The following MTUS2 variants were observed in gnomAD, a reference collection of about 807,000 sequenced individuals.
The protein encoded by MTUS2 is microtubule-associated tumor suppressor candidate 2.
Under a neutral mutation model 114.1 loss-of-function variants are expected in MTUS2, and 40 were observed. The observed-to-expected ratio is 0.35, with a 90% CI of 0.27 to 0.46. The LOEUF (loss-of-function observed/expected upper bound fraction) is 0.46. Ranked by LOEUF, MTUS2 falls within the 20% of genes least tolerant of loss-of-function variation. MTUS2 has a pLI of 1.00. For synonymous variants in MTUS2, 688 were observed against 672.0 expected, an observed-to-expected ratio of 1.02 and a Z score of -0.37; for missense variants, 1,679 against 1,705.4, an observed-to-expected ratio of 0.98 and a Z score of 0.27.
At chr13:28,950,332 G>C (rs894968662) in intron 2 of MTUS2, among the ~76,000 whole-genome samples, 1 of 152,146 alleles carries the variant, frequency 6.6e-6, no homozygotes, top group Non-Finnish European at 1.5e-5. Flanking sequence ...AAGCTCTGAA[G>C]GGCATTCGGG....
intron 2 of MTUS2, among the ~76,000 whole-genome samples, chr13:28,988,449 T>A (rs1402353831): frequency 6.6e-6 from 1 of 152,220 alleles, no homozygotes. Flanking sequence ...TTAGTGATAA[T>A]CTTCTAGGAA....
chr13:29,453,289 A>T (rs187638206), intron 9 of MTUS2, among the ~76,000 whole-genome samples: 1 of 152,316 alleles, frequency 6.6e-6, no homozygotes, highest in East Asian at 1.9e-4. Flanking sequence ...AACATAATCG[A>T]CTCAGTTGAG....
At chr13:29,374,514 T>C (rs1486551715) in intron 8 of MTUS2, among the ~76,000 whole-genome samples, 3 of 152,222 alleles carry the variant, frequency 2.0e-5, no homozygotes, top group African/African-American at 7.2e-5. Context: ...TCATAAATTA[T>C]GAAGGCCTGA....
At chr13:29,017,167 G>A (rs778385422) in intron 2 of MTUS2, among the ~76,000 whole-genome samples, 81 of 152,282 alleles carry the variant, frequency 5.3e-4, no homozygotes, top group Admixed American at 1.5e-3. Context: ...CACCAAACAC[G>A]TACCCAGTAG....
intron 4 of MTUS2, among the ~76,000 whole-genome samples, chr13:29,051,260 G>A (rs1169418469): frequency 6.6e-6 from 1 of 152,122 alleles, no homozygotes; most frequent in East Asian, 1.9e-4. Flanking sequence ...CGGGTGATGG[G>A]GAAACAGAGG....
At position 29,031,699 on chromosome 13, in the gene MTUS2, A is replaced by C. The variant is rs140391087; in HGVS notation, c.2206-2186A>C. Among the ~76,000 whole-genome samples, 192 of 152,100 alleles carry C rather than the reference A, an allele frequency of 1.3e-3. 2 individuals carry two copies. The highest frequency in any genetic ancestry group is 0.011 in the Admixed American group (168 of 15,264). ...CTGCTGATTTAAATGTTAATCTAAT[A>C]TAAGAAATACTTTCATGGCAGCATC... On this transcript the variant is annotated intron_variant, in intron 3 of 15. Transcript: ENST00000612955.
At chr13:28,832,526 T>G (rs1268694917) in intron 1 of MTUS2, among the ~76,000 whole-genome samples, 1 of 151,484 alleles carries the variant, frequency 6.6e-6, no homozygotes, top group Non-Finnish European at 1.5e-5. Flanking sequence ...TTTTTAGCTG[T>G]TAATGACTGT....
chr13:28,932,651 G>A (rs1279288727), intron 2 of MTUS2, among the ~76,000 whole-genome samples: 1 of 152,152 alleles, frequency 6.6e-6, no homozygotes, highest in Admixed American at 6.5e-5. Flanking sequence ...AGCCCTGCAG[G>A]TGAGTGCAGC....
At chr13:29,173,787 A>G (rs1414978321) in intron 5 of MTUS2, among the ~76,000 whole-genome samples, 1 of 152,274 alleles carries the variant, frequency 6.6e-6, no homozygotes, top group Admixed American at 6.5e-5. Context: ...ATAAACCTGC[A>G]TTAAAAAAAC....
At chr13:28,856,689 G>A (rs1044549167) in intron 2 of MTUS2, among the ~76,000 whole-genome samples, 1 of 152,186 alleles carries the variant, frequency 6.6e-6, no homozygotes, top group African/African-American at 2.4e-5. Context: ...ATATCAAGTT[G>A]TGCATTTACG....
At chr13:29,034,269 G>T (rs1886964082) in intron 4 of MTUS2, 144 bp downstream of exon 4, 1 of 1,111,826 alleles carries the variant, frequency 9.0e-7, no homozygotes, top group Admixed American at 2.5e-5. Context: ...TGTAGATGCA[G>T]ACATTTGTGA....
At position 28,951,334 on chromosome 13, in the gene MTUS2, C is replaced by T. The variant is rs148440367; in HGVS notation, c.-242-73123C>T. On this transcript the variant is annotated intron_variant, in intron 2 of 15. Transcript: ENST00000612955. ...TATTAAGTTTTCCAATCCATGAACA[C>T]GGAATGTCTTTTCATTTATTTGTCT... Among the ~76,000 whole-genome samples the T allele has an allele frequency of 2.9e-3, 448 of 152,262 alleles. 1 individual carries two copies. The highest frequency in any genetic ancestry group is 0.01 in the African/African-American group (424 of 41,548).
intron 5 of MTUS2, among the ~76,000 whole-genome samples, chr13:29,219,728 C>T (rs73449311): frequency 2.0e-5 from 3 of 152,162 alleles, no homozygotes; most frequent in Non-Finnish European, 2.9e-5. Context: ...AACTTTCTGC[C>T]GCTTTTCCAT....
intron 9 of MTUS2, among the ~76,000 whole-genome samples, chr13:29,467,179 C>T (rs567454110): frequency 3.9e-5 from 6 of 152,212 alleles, no homozygotes; most frequent in African/African-American, 1.4e-4. Context: ...TAGAACCCCA[C>T]AGGGCAATTC....
intron 4 of MTUS2, among the ~76,000 whole-genome samples, chr13:29,065,029 G>A (rs1888601915): frequency 6.6e-6 from 1 of 152,172 alleles, no homozygotes; most frequent in Non-Finnish European, 1.5e-5. Context: ...GTCTTCCACT[G>A]ATGGGCATTT....
At chr13:28,872,185 C>T (rs774642484) in intron 2 of MTUS2, among the ~76,000 whole-genome samples, 2 of 152,026 alleles carry the variant, frequency 1.3e-5, no homozygotes, top group African/African-American at 2.4e-5. Context: ...TGGTATGGAC[C>T]TTGGTGCTGG....
chr13:29,382,344 A>G (rs1414036834), intron 8 of MTUS2, among the ~76,000 whole-genome samples: 2 of 152,210 alleles, frequency 1.3e-5, no homozygotes, highest in African/African-American at 4.8e-5. Flanking sequence ...AGAGCAGACC[A>G]TGCAGTAGTC....
At chr13:28,990,310 T>C (rs147154347) in intron 2 of MTUS2, among the ~76,000 whole-genome samples, 1,569 of 152,114 alleles carry the variant, frequency 0.01, 25 homozygotes, top group African/African-American at 0.036. Flanking sequence ...GGTTGGAGAG[T>C]GAAGGACTTT....
chr13:29,375,597 ATATATATATACGT>A (rs1566163614), intron 8 of MTUS2, among the ~76,000 whole-genome samples: 108 of 4,862 alleles, frequency 0.022, 18 homozygotes, highest in South Asian at 0.081. Context: ...ACGTATATAT[ATATATATATACGT>A]ATATATATAT....
Sources: gnomAD v4.1 joint callset for allele counts (sites outside exome capture counted in the v4.1 genomes callset) on GRCh38, gnomAD v4.1.1 for gene constraint, MANE v1.5 for transcripts, NCBI Gene and HGNC (gene_info 2026-07-23, HGNC 2026-07-21) for gene names.